The following ACSS1 variants were observed in gnomAD, a reference collection of about 807,000 sequenced individuals.
ACSS1 encodes acyl-CoA synthetase short chain family member 1, also known as acetyl-coenzyme A synthetase 2-like, mitochondrial.
A neutral mutation model predicts 75.3 loss-of-function variants in ACSS1; 42 were observed. That is an observed-to-expected ratio of 0.56 (90% confidence interval 0.44 to 0.72). ACSS1 has a LOEUF of 0.72. Among genes scored for constraint, ACSS1 ranks in the 30% least tolerant of loss-of-function variants. ACSS1 has a pLI of 0.00. For missense variants in ACSS1, 782 were observed against 935.7 expected (o/e 0.84, Z 2.14); for synonymous variants, 380 against 376.8 (o/e 1.01, Z -0.10).
At chr20:25,046,973 G>C (rs902303549) in intron 2 of ACSS1, 9 of 775,870 alleles carry the variant, frequency 1.2e-5, no homozygotes, top group Admixed American at 5.1e-5. Context: ...GCTGTGATGG[G>C]CCTGAGGGCT....
chr20:25,006,876 T>C lies in ACSS1; in HGVS notation c.*886A>G. On this transcript the variant is annotated 3_prime_UTR_variant, in exon 14 of 14. Coordinates refer to ENST00000323482, the MANE Select transcript of ACSS1 (RefSeq NM_032501.4). ...CTGACCAAGTTAGTGCTCTAACAAG[T>C]CACCTGAGTTTCTAATAGCTTCCCT... 6.5e-7 allele frequency: 1 copy of C among 1,535,504 alleles called. No individual in the cohort carries two copies. Among genetic ancestry groups the C allele is most frequent in the Non-Finnish European group, 8.7e-7 (1 of 1,146,736 alleles).
At chr20:25,032,887 C>T (rs2088851127) in intron 2 of ACSS1, among the ~76,000 whole-genome samples, 2 of 152,264 alleles carry the variant, frequency 1.3e-5, no homozygotes, top group African/African-American at 4.8e-5. Context: ...GCAGCCAGCA[C>T]GCCTGCCCAG....
In ACSS1 at chr20:25,006,871, A is replaced by G; in HGVS notation, c.*891T>C. 1 of 1,535,500 alleles carries G rather than the reference A, an allele frequency of 6.5e-7. No homozygotes were observed. Among genetic ancestry groups the G allele is most frequent in the East Asian group, 2.4e-5 (1 of 40,930 alleles). ...TGGCTCTGACCAAGTTAGTGCTCTA[A>G]CAAGTCACCTGAGTTTCTAATAGCT... is the stretch of plus-strand genomic sequence containing the variant. On this transcript the variant is annotated 3_prime_UTR_variant, in exon 14 of 14. Coordinates refer to ENST00000323482, the MANE Select transcript of ACSS1 (RefSeq NM_032501.4).
chr20:25,048,254 T>C (rs1203876475), intron 1 of ACSS1, 73 bp from the exon 2 acceptor site: 21 of 1,350,940 alleles, frequency 1.6e-5, no homozygotes, highest in Admixed American at 3.8e-5. Context: ...GTTGAGGGGT[T>C]GGAGCGGGTC....
intron 3 of ACSS1, 54 bp downstream of exon 3, chr20:25,030,705 G>A: frequency 6.3e-7 from 1 of 1,596,524 alleles, no homozygotes; most frequent in Admixed American, 1.8e-5. Flanking sequence ...AGGCCCCCAG[G>A]AACAAGGATC....
chr20:25,052,503 T>C (rs73906068), intron 1 of ACSS1, among the ~76,000 whole-genome samples: 13,497 of 152,296 alleles, frequency 0.089, 2,005 homozygotes, highest in African/African-American at 0.31. Flanking sequence ...GCAGGGACTG[T>C]GTCCCTAAGA....
At chr20:25,019,339 G>GTT (rs1485558616) in intron 7 of ACSS1, among the ~76,000 whole-genome samples, 1 of 152,198 alleles carries the variant, frequency 6.6e-6, no homozygotes, top group African/African-American at 2.4e-5. Context: ...TTTCCAAAAT[G>GTT]TTTCCATGTG....
In ACSS1 at chr20:25,012,844, G is replaced by A. The variant is rs370949798; in HGVS notation, c.1675C>T (p.Arg559Trp). ...MDDVINISGH[R>W]LGTAEIEDAI... ...TCCTCAATCTCTGCGGTCCCCAGCC[G>A]GTGGCCACTGATGTTGATGACATCA... The change falls in exon 11 of 14, where the codon CGG becomes TGG. Residue 559 changes from arginine (R) to tryptophan (W), a missense_variant. Coordinates refer to ENST00000323482, the MANE Select transcript of ACSS1 (RefSeq NM_032501.4). The A allele has an allele frequency of 5.1e-5, 83 of 1,614,032 alleles. No homozygotes were observed. The highest frequency in any genetic ancestry group is 6.7e-5 in the Non-Finnish European group (79 of 1,180,038).
intron 6 of ACSS1, among the ~76,000 whole-genome samples, chr20:25,021,161 C>T (rs910632230): frequency 5.3e-5 from 8 of 152,328 alleles, no homozygotes; most frequent in African/African-American, 1.4e-4. Context: ...GAGCAGGGGC[C>T]TTGAGATGTC....
intron 2 of ACSS1, among the ~76,000 whole-genome samples, chr20:25,034,530 T>C (rs2088877304): frequency 6.6e-6 from 1 of 151,970 alleles, no homozygotes; most frequent in Admixed American, 6.6e-5. Context: ...TGCCCAGAGC[T>C]GAATGTGGGT....
chr20:25,035,279 A>G (rs886316085), intron 2 of ACSS1, among the ~76,000 whole-genome samples: 1 of 152,180 alleles, frequency 6.6e-6, no homozygotes, highest in African/African-American at 2.4e-5. Context: ...CTCCTAATAC[A>G]TGTAACAGAT....
intron 2 of ACSS1, among the ~76,000 whole-genome samples, chr20:25,036,985 AAAAG>A (rs1446454388): frequency 3.7e-5 from 4 of 108,746 alleles, no homozygotes; most frequent in South Asian, 3.2e-4. Context: ...GAAAGAAAGA[AAAAG>A]AAAGAAAGAA....
In ACSS1 at chr20:25,007,730, C is replaced by T. The variant is rs772761849; in HGVS notation, c.*32G>A. 16 of 1,608,554 alleles carry T rather than the reference C, an allele frequency of 9.9e-6. No homozygotes were observed. Among genetic ancestry groups the T allele is most frequent in the Middle Eastern group, 1.7e-4 (1 of 5,774 alleles). On this transcript the variant is annotated 3_prime_UTR_variant, in exon 14 of 14. Coordinates refer to ENST00000323482, the MANE Select transcript of ACSS1 (RefSeq NM_032501.4). ...AAGGACAAGCCAGGGCTTGGGTGCC[C>T]GCCCATCCCAAGAGCCCCACAAGGT...
rs1481269308 is a variant in ACSS1, at chr20:25,007,104, T to G, written c.*658A>C. The stretch of plus-strand genomic sequence containing the variant: ...AGGAGAAACACTCACCAGGAAAAGA[T>G]GCCGGAGGCTTGGAAGTTCTCAAGG... On this transcript the variant is annotated 3_prime_UTR_variant, in exon 14 of 14. Coordinates refer to ENST00000323482, the MANE Select transcript of ACSS1 (RefSeq NM_032501.4). 7.1e-7 allele frequency: 1 copy of G among 1,408,896 alleles called. No homozygotes were observed. The highest frequency in any genetic ancestry group is 9.2e-7 in the Non-Finnish European group (1 of 1,083,732). The allele number at this position is 1,408,896 out of a possible 1,614,324, so 87.3% of individuals were successfully genotyped here.
chr20:25,027,621 AC>A (rs1449571577), intron 3 of ACSS1, among the ~76,000 whole-genome samples: 17 of 152,158 alleles, frequency 1.1e-4, no homozygotes, highest in Non-Finnish European at 5.9e-5. Flanking sequence ...ATAGAAGGGA[AC>A]TTAATGGATA....
chr20:25,031,048 G>A (rs771731817), intron 2 of ACSS1, 90 bp from the exon 3 acceptor site: 1 of 1,283,566 alleles, frequency 7.8e-7, no homozygotes. Flanking sequence ...CAAATTTTAT[G>A]TCATATACAT....
intron 7 of ACSS1, among the ~76,000 whole-genome samples, chr20:25,019,760 GGGCACAGAAACAAC>G (rs1254462421): frequency 6.6e-6 from 1 of 152,248 alleles, no homozygotes; most frequent in Non-Finnish European, 1.5e-5. Context: ...TACAGAAATT[GGGCACAGAAACAAC>G]GGCACAGAAA....
At position 25,057,876 on chromosome 20, in the gene ACSS1, A is replaced by G; in HGVS notation, c.227T>C (p.Leu76Pro). ...AREPAAFWGP[L>P]ARDTLVWDTP... ...GTCCCACACGAGAGTGTCCCGCGCC[A>G]GAGGCCCCCAGAAGGCGGCCGGCTC... is the stretch of plus-strand genomic sequence containing the variant. Residue 76 changes from leucine to proline, a missense_variant, in exon 1 of 14, where the codon CTG (leucine) becomes CCG (proline). By Grantham distance (98) the Leu-to-Pro change is moderately conservative. Coordinates refer to ENST00000323482, the MANE Select transcript of ACSS1 (RefSeq NM_032501.4). 1 of 1,612,568 alleles carries G rather than the reference A, an allele frequency of 6.2e-7. No homozygotes were observed. The highest frequency in any genetic ancestry group is 2.2e-5 in the East Asian group (1 of 44,798).
chr20:25,042,514 C>T (rs975556211), intron 2 of ACSS1, among the ~76,000 whole-genome samples: 2 of 152,182 alleles, frequency 1.3e-5, no homozygotes, highest in African/African-American at 2.4e-5. Context: ...GTGTCACACA[C>T]GGGTCAACGA....
Sources: gnomAD v4.1 joint callset for allele counts (sites outside exome capture counted in the v4.1 genomes callset) on GRCh38, gnomAD v4.1.1 for gene constraint, MANE v1.5 for transcripts, NCBI Gene and HGNC (gene_info 2026-07-23, HGNC 2026-07-21) for gene names.